Variants in ENPP4 observed in about 807,000 individuals in gnomAD.
The protein encoded by ENPP4 is bis(5'-adenosyl)-triphosphatase ENPP4.
Under a neutral mutation model 33.4 loss-of-function variants are expected in ENPP4, and 18 were observed. That is an observed-to-expected ratio of 0.54 (90% confidence interval 0.37 to 0.80). The LOEUF (loss-of-function observed/expected upper bound fraction) is 0.80, where lower values mean the gene tolerates loss of function less well. ENPP4 is among the 30% of genes least tolerant of loss of function. The pLI is 0.00. For missense variants in ENPP4, 480 were observed against 541.7 expected (o/e 0.89, Z 1.13); for synonymous variants, 172 against 189.9 (o/e 0.91, Z 0.78).
intron 1 of ENPP4, among the ~76,000 whole-genome samples, chr6:46,131,552 T>C (rs1763900084): frequency 6.6e-6 from 1 of 152,178 alleles, no homozygotes; most frequent in Non-Finnish European, 1.5e-5. Flanking sequence ...TAATCCAGTC[T>C]ATCATTGTTG....
Position 46,144,608 on chromosome 6 carries a change from T to G in ENPP4, c.*968T>G. On this transcript the variant is annotated 3_prime_UTR_variant, in exon 4 of 4. Transcript: ENST00000321037. ...AACTTAATTTCATTAACTTTTATCA[T>G]TTAACTCTCTCATGTTTGTTGTAAC... is the stretch of plus-strand genomic sequence containing the variant. 4.8e-6 allele frequency: 1 copy of G among 210,234 alleles called. No individual in the cohort carries two copies. The highest frequency in any genetic ancestry group is 9.4e-6 in the Non-Finnish European group (1 of 106,822). 13.0% of individuals were successfully genotyped at this position (210,234 alleles called of 1,614,324 possible). A position where few individuals can be genotyped will look rare whatever the true frequency, so the allele number is the denominator to read the frequency against.
At position 46,144,963 on chromosome 6, in the gene ENPP4, T is replaced by C. The variant is rs569041471; in HGVS notation, c.*1323T>C. 29 of 396,468 alleles carry C rather than the reference T, an allele frequency of 7.3e-5. No individual in the cohort carries two copies. The highest frequency in any genetic ancestry group is 5.8e-4 in the African/African-American group (28 of 48,632). The allele number at this position is 396,468 out of a possible 1,614,324, so 24.6% of individuals were successfully genotyped here. A position where few individuals can be genotyped will look rare whatever the true frequency, so the allele number is the denominator to read the frequency against. The stretch of plus-strand genomic sequence containing the variant: ...CTGTCATCCTGCCTTTGCTAGCTGG[T>C]ACCTTCTAGTAATCAAAATTAATAT... On this transcript the variant is annotated 3_prime_UTR_variant, in exon 4 of 4. Transcript: ENST00000321037.
In ENPP4 at chr6:46,143,516, G is replaced by T. The variant is rs1020941078; in HGVS notation, c.1238G>T (p.Gly413Val). The T allele has an allele frequency of 4.3e-6, 7 of 1,612,692 alleles. No homozygotes were observed. The highest frequency in any genetic ancestry group is 5.9e-6 in the Non-Finnish European group (7 of 1,179,096). Residue 413 changes from glycine (G) to valine (V), a missense_variant, in exon 4 of 4, where the codon GGT becomes GTT. Physicochemically the swap from Gly to Val is moderately radical, Grantham distance 109. Around this residue, in one of 3 missense-constraint regions of ENPP4, gnomAD observed 249 missense variants for 251.8 expected, o/e 0.99. Transcript: ENST00000321037. ...CCAGAAGCCATCGCGATTGTTATCG[G>T]TTCACTCTTGGTGTTAACCATGCTA... ...NLPEAIAIVI[G>V]SLLVLTMLTC...
At chr6:46,137,410 A>G (rs190431656) in intron 1 of ENPP4, among the ~76,000 whole-genome samples, 34 of 152,032 alleles carry the variant, frequency 2.2e-4, no homozygotes, top group African/African-American at 7.9e-4. Flanking sequence ...ACTCAATCCA[A>G]GCTTTCATGG....
chr6:46,135,715 T>A (rs1258467568), intron 1 of ENPP4, among the ~76,000 whole-genome samples: 1 of 152,076 alleles, frequency 6.6e-6, no homozygotes, highest in Non-Finnish European at 1.5e-5. Context: ...TGGTGTGGTA[T>A]CTAAGAAGGC....
intron 1 of ENPP4, among the ~76,000 whole-genome samples, chr6:46,136,239 C>T (rs1763972606): frequency 6.6e-6 from 1 of 151,812 alleles, no homozygotes; most frequent in Non-Finnish European, 1.5e-5. Context: ...CTTTATGCTC[C>T]TGTTTTGATT....
Position 46,143,336 on chromosome 6 carries a change from G to A in ENPP4, c.1058G>A (p.Gly353Glu). The change falls in exon 4 of 4, where the codon GGA (glycine) becomes GAA (glutamate). Residue 353 changes from glycine to glutamate, a missense_variant. This residue lies in a region of ENPP4 where 249 missense variants were observed against 251.8 expected (regional missense o/e 0.99). Transcript: ENST00000321037. ...PSMHPFLAAH[G>E]PAFHKGYKHS... ...ATGCATCCATTTCTAGCTGCCCACG[G>A]ACCTGCATTTCACAAAGGCTACAAG... 6.2e-7 allele frequency: 1 copy of A among 1,610,038 alleles called. No individual in the cohort carries two copies. Among genetic ancestry groups the A allele is most frequent in the Non-Finnish European group, 8.5e-7 (1 of 1,177,024 alleles).
At position 46,141,093 on chromosome 6, in the gene ENPP4, C is replaced by T. The variant is rs1764055131; in HGVS notation, c.868C>T (p.His290Tyr). 1 of 1,606,590 alleles carries T rather than the reference C, an allele frequency of 6.2e-7. No homozygotes were observed. The highest frequency in any genetic ancestry group is 1.7e-5 in the Admixed American group (1 of 59,584). Reference sequence around the variant, plus strand: ...TAACAAACTGAAAAACTGTAGCCCTCATATGAATGTTTATCTCAAAGAAGA... The same window carrying T: ...TAACAAACTGAAAAACTGTAGCCCTTATATGAATGTTTATCTCAAAGAAGA... Reference protein sequence around the residue: ...VYNKLKNCSPHMNVYLKEDIP... With the variant: ...VYNKLKNCSPYMNVYLKEDIP... The change falls in exon 3 of 4, where the codon CAT becomes TAT. Residue 290 changes from histidine to tyrosine, a missense_variant. Around this residue, in one of 3 missense-constraint regions of ENPP4, gnomAD observed 249 missense variants for 251.8 expected, o/e 0.99. Transcript: ENST00000321037.
In ENPP4 at chr6:46,143,966, T is replaced by A; in HGVS notation, c.*326T>A. On this transcript the variant is annotated 3_prime_UTR_variant, in exon 4 of 4. Coordinates refer to ENST00000321037, the MANE Select transcript of ENPP4 (RefSeq NM_014936.5). ...CTGCTTGTATTTTGCGATGAAGATG[T>A]GATACATCTTTAAATGAAAATATAC... 5.5e-6 allele frequency: 1 copy of A among 180,210 alleles called. No homozygotes were observed. Among genetic ancestry groups the A allele is most frequent in the Non-Finnish European group, 1.2e-5 (1 of 86,118 alleles). The allele number at this position is 180,210 out of a possible 1,614,324, so 11.2% of individuals were successfully genotyped here.
chr6:46,137,713 A>G (rs1046346476), intron 1 of ENPP4, among the ~76,000 whole-genome samples: 2 of 151,746 alleles, frequency 1.3e-5, no homozygotes, highest in Non-Finnish European at 2.9e-5. Context: ...ACTCTGCATT[A>G]GTTTTGGTTA....
Position 46,141,180 on chromosome 6 carries a change from G to C in ENPP4, c.955G>C (p.Asp319His). Reference sequence around the variant, plus strand: ...AATTCAGCCCATTATTTTGGTTGCCGATGAAGGCTGGACAATTGTGCTAAA... The same window carrying C: ...AATTCAGCCCATTATTTTGGTTGCCCATGAAGGCTGGACAATTGTGCTAAA... ...DRIQPIILVA[D>H]EGWTIVLNES... The change falls in exon 3 of 4, where the codon GAT (aspartate) becomes CAT (histidine). Residue 319 changes from aspartate to histidine, a missense_variant. Around this residue, in one of 3 missense-constraint regions of ENPP4, gnomAD observed 249 missense variants for 251.8 expected, o/e 0.99. Coordinates refer to ENST00000321037, the MANE Select transcript of ENPP4 (RefSeq NM_014936.5). 6.2e-7 allele frequency: 1 copy of C among 1,609,276 alleles called. No homozygotes were observed. Among genetic ancestry groups the C allele is most frequent in the Non-Finnish European group, 8.5e-7 (1 of 1,176,868 alleles).
At position 46,140,244 on chromosome 6, in the gene ENPP4, C is replaced by T; in HGVS notation, c.661C>T (p.Leu221Phe). The T allele has an allele frequency of 6.2e-7, 1 of 1,612,518 alleles. No individual in the cohort carries two copies. The highest frequency in any genetic ancestry group is 8.5e-7 in the Non-Finnish European group (1 of 1,179,014). The change falls in exon 2 of 4, where the codon CTC becomes TTC. Residue 221 changes from leucine to phenylalanine, a missense_variant. Physicochemically the swap from Leu to Phe is conservative, Grantham distance 22. Around this residue, in one of 3 missense-constraint regions of ENPP4, gnomAD observed 227 missense variants for 273.7 expected, o/e 0.83. Coordinates refer to ENST00000321037, the MANE Select transcript of ENPP4 (RefSeq NM_014936.5). Reference sequence around the variant, plus strand: ...TCTTATCGGTGACTTAGTCCAAAGACTCAAGATGTTAGGGCTATGGGAAAA... The same window carrying T: ...TCTTATCGGTGACTTAGTCCAAAGATTCAAGATGTTAGGGCTATGGGAAAA... ...DDLIGDLVQRLKMLGLWENLN... is the reference protein window; with the variant it reads ...DDLIGDLVQRFKMLGLWENLN...
chr6:46,142,736 A>T (rs1245603575), intron 3 of ENPP4, among the ~76,000 whole-genome samples: 2 of 151,726 alleles, frequency 1.3e-5, no homozygotes, highest in Non-Finnish European at 2.9e-5. Context: ...TTGGAGTTGT[A>T]TTAGGGACTA....
chr6:46,141,200 G>A lies in ENPP4; in HGVS notation c.975G>A (p.Val325=), dbSNP rs1764057976. The change falls in exon 3 of 4, where the codon GTG becomes GTA. Residue 325 remains valine, a synonymous_variant. Coordinates refer to ENST00000321037, the MANE Select transcript of ENPP4 (RefSeq NM_014936.5). The part of the protein sequence containing the change: ...ILVADEGWTI[V]LNESSQKLGD... The stretch of plus-strand genomic sequence containing the variant: ...TTGCCGATGAAGGCTGGACAATTGT[G>A]CTAAATGAATCATCACAAAAATGTA... The A allele has an allele frequency of 4.4e-6, 7 of 1,607,784 alleles. No homozygotes were observed. The East Asian group carries it at 1.6e-4, about 36-fold the overall frequency.
intron 1 of ENPP4, among the ~76,000 whole-genome samples, chr6:46,135,185 T>C (rs1371992898): frequency 6.6e-6 from 1 of 152,140 alleles, no homozygotes; most frequent in Non-Finnish European, 1.5e-5. Flanking sequence ...TCATTTCTCT[T>C]GAGCACATAC....
At chr6:46,132,002 G>GTTT (rs572307859) in intron 1 of ENPP4, among the ~76,000 whole-genome samples, 8 of 150,910 alleles carry the variant, frequency 5.3e-5, no homozygotes, top group Non-Finnish European at 1.0e-4. Context: ...TTTTGATGGG[G>GTTT]TTGTTTTTTT....
chr6:46,131,824 G>T (rs370650492), intron 1 of ENPP4, among the ~76,000 whole-genome samples: 34 of 151,916 alleles, frequency 2.2e-4, no homozygotes, highest in East Asian at 5.8e-4. Context: ...CACCTGTTGT[G>T]TCCTGACTTT....
chr6:46,139,080 A>G (rs534003900), intron 1 of ENPP4, among the ~76,000 whole-genome samples: 1 of 151,920 alleles, frequency 6.6e-6, no homozygotes, highest in East Asian at 1.9e-4. Flanking sequence ...ACTGGCAATA[A>G]ACCAATATGG....
chr6:46,132,001 G>T (rs896718924), intron 1 of ENPP4, among the ~76,000 whole-genome samples: 8 of 151,990 alleles, frequency 5.3e-5, no homozygotes, highest in Non-Finnish European at 1.0e-4. Context: ...TTTTTGATGG[G>T]GTTGTTTTTT....
Sources: allele counts gnomAD v4.1 joint callset (sites outside exome capture counted in the v4.1 genomes callset), GRCh38; gene constraint gnomAD v4.1.1; regional missense constraint gnomAD v4.1.1; transcripts MANE v1.5; gene names NCBI Gene and HGNC (gene_info 2026-07-23, HGNC 2026-07-21).